Variants in PIGX observed in about 807,000 individuals in gnomAD.
PIGX encodes phosphatidylinositol glycan anchor biosynthesis class X.
PIGX carries 24 observed loss-of-function variants against 28.7 expected under a neutral mutation model. That is an observed-to-expected ratio of 0.84 (90% CI 0.60 to 1.17). The LOEUF is 1.17. Among genes scored for constraint, PIGX ranks in the 50% most tolerant of loss-of-function variants. PIGX has a pLI of 0.00. For synonymous variants in PIGX, 127 were observed against 121.0 expected (o/e 1.05, Z -0.33); for missense variants, 305 against 317.8 (o/e 0.96, Z 0.31).
In PIGX at chr3:196,727,913, T is replaced by C. The variant is rs1426311913; in HGVS notation, c.319-10T>C. 6.5e-7 allele frequency: 1 copy of C among 1,548,116 alleles called. No homozygotes were observed. Among genetic ancestry groups the C allele is most frequent in the South Asian group, 1.2e-5 (1 of 86,132 alleles). On this transcript the variant is annotated splice_polypyrimidine_tract_variant and intron_variant, in intron 3 of 5. Transcript: ENST00000392391. ...TCTTCTTGATTAATATTTATTTTCT[T>C]TTTGAACAGGCAGTGATGGTTTCAG...
chr3:196,721,923 T>C (rs1712341860), intron 2 of PIGX, among the ~76,000 whole-genome samples: 1 of 152,084 alleles, frequency 6.6e-6, no homozygotes, highest in Non-Finnish European at 1.5e-5. Flanking sequence ...GGCTAAATTT[T>C]GTATTTTTGG....
At position 196,734,181 on chromosome 3, in the gene PIGX, G is replaced by T; in HGVS notation, c.*279G>T. ...TGAGAAGTGACTTTATCTTCATTTG[G>T]GGTAGAAAAATTATTTCTTTATGTA... On this transcript the variant is annotated 3_prime_UTR_variant, in exon 6 of 6. Coordinates refer to ENST00000392391, the MANE Select transcript of PIGX (RefSeq NM_017861.4). The T allele has an allele frequency of 3.3e-6, 1 of 301,586 alleles. No homozygotes were observed. Among genetic ancestry groups the T allele is most frequent in the Non-Finnish European group, 6.1e-6 (1 of 164,058 alleles). 18.7% of individuals were successfully genotyped at this position (301,586 alleles called of 1,614,324 possible). A position where few individuals can be genotyped will look rare whatever the true frequency, so the allele number is the denominator to read the frequency against.
Position 196,722,529 on chromosome 3 carries a change from T to G in PIGX, c.291T>G (p.Ala97=). The change falls in exon 3 of 6, where the codon GCT becomes GCG. Residue 97 remains alanine, a synonymous_variant. Transcript: ENST00000392391. The stretch of plus-strand genomic sequence containing the variant: ...TTTATGTGGATCCGTATGAGTTGGC[T>G]TCATTACGAGAGAGAAACATAACAG... 1 of 1,613,664 alleles carries G rather than the reference T, an allele frequency of 6.2e-7. No homozygotes were observed. The highest frequency in any genetic ancestry group is 1.3e-5 in the African/African-American group (1 of 75,046).
intron 1 of PIGX, among the ~76,000 whole-genome samples, chr3:196,713,493 G>C (rs553968151): frequency 6.6e-6 from 1 of 151,996 alleles, no homozygotes; most frequent in South Asian, 2.1e-4. Flanking sequence ...TTTTAGTAGA[G>C]ACGGGGTTTC....
intron 1 of PIGX, among the ~76,000 whole-genome samples, chr3:196,716,336 G>A (rs766548437): frequency 3.3e-5 from 5 of 152,030 alleles, no homozygotes; most frequent in Non-Finnish European, 4.4e-5. Context: ...GGTTTTGTAG[G>A]CATGGATGTT....
chr3:196,728,645 G>T, intron 4 of PIGX: 1 of 765,808 alleles, frequency 1.3e-6, no homozygotes, highest in South Asian at 1.3e-5. Context: ...TCATAGCTGG[G>T]GTTTTGCTAA....
intron 5 of PIGX, among the ~76,000 whole-genome samples, chr3:196,732,240 A>ATTT (rs1560080573): frequency 1.9e-5 from 1 of 52,130 alleles, no homozygotes; most frequent in Non-Finnish European, 3.4e-5. Flanking sequence ...ATATATATAT[A>ATTT]TATATATATA....
In PIGX at chr3:196,733,751, C is replaced by T. The variant is rs773619532; in HGVS notation, c.634-8C>T. 3.2e-6 allele frequency: 5 copies of T among 1,586,912 alleles called. No homozygotes were observed. The African/African-American group carries it at 5.4e-5, about 17-fold the overall frequency. On this transcript the variant is annotated splice_polypyrimidine_tract_variant and splice_region_variant and intron_variant, in intron 5 of 5. Transcript: ENST00000392391. The surrounding 1 kb of genome is among the most constrained non-coding windows in gnomAD (Gnocchi z 4.3). The stretch of plus-strand genomic sequence containing the variant: ...TTCAATGTCTAACTTCTCTCTCTCT[C>T]TCCATAGGTATATAAGAATGTGATT...
chr3:196,734,481 T>G lies in PIGX; in HGVS notation c.*579T>G, dbSNP rs1712932608. On this transcript the variant is annotated 3_prime_UTR_variant, in exon 6 of 6. Transcript: ENST00000392391. ...GGAAGGGTGAGGCGGGAGGATCGCTTGAACCTGGGAGGCGGAGGTTCCAGA... is the reference window on the plus strand; with the variant it reads ...GGAAGGGTGAGGCGGGAGGATCGCTGGAACCTGGGAGGCGGAGGTTCCAGA... The G allele has an allele frequency of 6.6e-6, 1 of 152,246 alleles. No individual in the cohort carries two copies. The highest frequency in any genetic ancestry group is 2.1e-4 in the South Asian group (1 of 4,830). 9.4% of individuals were successfully genotyped at this position (152,246 alleles called of 1,614,324 possible).
At chr3:196,713,135 A>T in intron 1 of PIGX, 1 of 968,122 alleles carries the variant, frequency 1.0e-6, no homozygotes, top group Non-Finnish European at 1.2e-6. Context: ...GTAAGGTTTG[A>T]TGGGAGGAAA....
At position 196,733,708 on chromosome 3, in the gene PIGX, G is replaced by A. The variant is rs748785212; in HGVS notation, c.634-51G>A. On this transcript the variant is annotated intron_variant, in intron 5 of 5. Transcript: ENST00000392391. The surrounding 1 kb of genome is among the most constrained non-coding windows in gnomAD (Gnocchi z 4.3). ...GATTACAGGCATGAGCTACCACACC[G>A]GGCCCATGACATGCATTTTCAATGT... 1.1e-4 allele frequency: 152 copies of A among 1,392,894 alleles called. No homozygotes were observed. Among genetic ancestry groups the A allele is most frequent in the Non-Finnish European group, 1.4e-4 (133 of 985,052 alleles). 86.3% of individuals were successfully genotyped at this position (1,392,894 alleles called of 1,614,324 possible).
Position 196,716,923 on chromosome 3 carries a change from T to C in PIGX, c.176+2T>C. The C allele has an allele frequency of 1.3e-6, 2 of 1,562,544 alleles. No homozygotes were observed. The highest frequency in any genetic ancestry group is 1.8e-6 in the Non-Finnish European group (2 of 1,133,816). On this transcript the variant is annotated splice_donor_variant, in intron 2 of 5. Coordinates refer to ENST00000392391, the MANE Select transcript of PIGX (RefSeq NM_017861.4). LOFTEE classifies it high-confidence loss of function. Reference sequence around the variant, plus strand: ...AGTTTTGAAAGATGGTTTCCACAGGTAAGTTGCCTGTTGATTTCTATTTCT... The same window carrying C: ...AGTTTTGAAAGATGGTTTCCACAGGCAAGTTGCCTGTTGATTTCTATTTCT...
chr3:196,721,314 A>G (rs1291954480), intron 2 of PIGX: 2 of 196,842 alleles, frequency 1.0e-5, no homozygotes, highest in East Asian at 3.3e-4. Flanking sequence ...CAAGTCACTG[A>G]TCTTTTCTTC....
At chr3:196,723,457 G>A (rs1279483485) in intron 3 of PIGX, among the ~76,000 whole-genome samples, 8 of 152,186 alleles carry the variant, frequency 5.3e-5, no homozygotes, top group African/African-American at 1.9e-4. Context: ...TGTTGCCCTT[G>A]TTGGACCTGA....
intron 2 of PIGX, chr3:196,721,448 T>C (rs1284513944): frequency 5.9e-6 from 1 of 169,056 alleles, no homozygotes; most frequent in African/African-American, 2.4e-5. Context: ...TCTTTTTTTT[T>C]TCTTGAGACA....
At position 196,735,583 on chromosome 3, in the gene PIGX, A is replaced by G. The variant is rs1359873421; in HGVS notation, c.*1681A>G. 6.6e-6 allele frequency: 1 copy of G among 152,226 alleles called. No individual in the cohort carries two copies. The highest frequency in any genetic ancestry group is 1.9e-4 in the East Asian group (1 of 5,204). The allele number at this position is 152,226 out of a possible 1,614,324, so 9.4% of individuals were successfully genotyped here. A position where few individuals can be genotyped will look rare whatever the true frequency, so the allele number is the denominator to read the frequency against. ...ATATTGGAAAAGGTAACCCAGTGCC[A>G]TAAAGCAGAAACAGTGACCTTTAAA... On this transcript the variant is annotated 3_prime_UTR_variant, in exon 6 of 6. Transcript: ENST00000392391.
chr3:196,730,894 A>G lies in PIGX; in HGVS notation c.533-98A>G, dbSNP rs529638263. The G allele has an allele frequency of 1.1e-4, 71 of 658,472 alleles. 1 individual carries two copies. Among genetic ancestry groups the G allele is most frequent in the African/African-American group, 1.0e-3 (57 of 54,886 alleles). 40.8% of individuals were successfully genotyped at this position (658,472 alleles called of 1,614,324 possible). ...GTCCAGATCATATACATAATGTATT[A>G]AAATGTTTGACAACTTCTGTCTATT... On this transcript the variant is annotated intron_variant, in intron 4 of 5. Transcript: ENST00000392391.
chr3:196,717,941 T>C (rs1261350291), intron 2 of PIGX: 1 of 152,172 alleles, frequency 6.6e-6, no homozygotes, highest in Non-Finnish European at 1.5e-5. Flanking sequence ...TTGCCCAAAC[T>C]GAAGCTTCGC....
intron 2 of PIGX, among the ~76,000 whole-genome samples, chr3:196,718,316 GA>G (rs1281847509): frequency 1.4e-4 from 20 of 145,274 alleles, no homozygotes; most frequent in African/African-American, 3.8e-4. Context: ...TCCGTCTGAA[GA>G]AAAAAAAAAG....
Sources: allele counts gnomAD v4.1 joint callset (sites outside exome capture counted in the v4.1 genomes callset), GRCh38; gene constraint gnomAD v4.1.1; non-coding constraint Gnocchi (gnomAD v3.1); transcripts MANE v1.5; gene names NCBI Gene and HGNC (gene_info 2026-07-23, HGNC 2026-07-21).